CLRN1: variants seen among roughly 807,000 people sequenced by gnomAD.
CLRN1 encodes clarin-1.
A neutral mutation model predicts 18.7 loss-of-function variants in CLRN1; 15 were observed. The observed-to-expected ratio is 0.80, with a 90% CI of 0.54 to 1.23. The LOEUF is 1.23. CLRN1 is among the 50% of genes most tolerant of loss of function. The probability of loss-of-function intolerance (pLI) is 0.00; values close to 1 mark genes in which losing one functional copy is unlikely to be tolerated. For synonymous variants in CLRN1, 104 were observed against 102.9 expected, an observed-to-expected ratio of 1.01 and a Z score of -0.07; for missense variants, 311 against 277.5, an observed-to-expected ratio of 1.12 and a Z score of -0.86.
intron 2 of CLRN1, among the ~76,000 whole-genome samples, chr3:150,938,362 G>A (rs1713614253): frequency 6.6e-6 from 1 of 152,110 alleles, no homozygotes; most frequent in Admixed American, 6.5e-5. Context: ...TAGAATGTTT[G>A]GGATAAGGGC....
At chr3:150,969,977 C>G (rs1468690519) in intron 1 of CLRN1, among the ~76,000 whole-genome samples, 1 of 152,110 alleles carries the variant, frequency 6.6e-6, no homozygotes, top group Non-Finnish European at 1.5e-5. Flanking sequence ...TTTTCCATTC[C>G]TCTTACACTG....
chr3:150,951,530 G>T (rs1321945147), intron 1 of CLRN1, among the ~76,000 whole-genome samples: 4 of 152,110 alleles, frequency 2.6e-5, no homozygotes, highest in Non-Finnish European at 4.4e-5. Flanking sequence ...TAGAGATGGG[G>T]TTTCACCATG....
chr3:150,931,902 A>G (rs1052435045), intron 2 of CLRN1, among the ~76,000 whole-genome samples: 1 of 152,190 alleles, frequency 6.6e-6, no homozygotes, highest in African/African-American at 2.4e-5. Context: ...GACTGTGGAA[A>G]TCCTGCCAAA....
intron 2 of CLRN1, chr3:150,940,604 A>G: frequency 2.3e-6 from 3 of 1,287,514 alleles, no homozygotes; most frequent in Non-Finnish European, 3.2e-6. Flanking sequence ...GTATCCCTCC[A>G]TGAAACCATC....
At position 150,941,689 on chromosome 3, in the gene CLRN1, A is replaced by G. The variant is rs1037268706; in HGVS notation, c.326T>C (p.Ile109Thr). ...VNVILFSAIL[I>T]VLTMVGTAFF... ...GGCTGTCCCCACCATGGTTAACACA[A>G]TAAGGATGGCAGAGAAGAGAATGAC... The change falls in exon 2 of 3, where the codon ATT (isoleucine) becomes ACT (threonine). Residue 109 changes from isoleucine (I) to threonine (T), a missense_variant. Coordinates refer to ENST00000327047, the MANE Select transcript of CLRN1 (RefSeq NM_174878.3). The G allele has an allele frequency of 4.3e-6, 7 of 1,613,954 alleles. No individual in the cohort carries two copies. In the African/African-American group the frequency reaches 8.0e-5, roughly 18 times the overall value.
Position 150,941,688 on chromosome 3 carries a change from A to G in CLRN1, c.327T>C (p.Ile109=), listed in dbSNP as rs1458226293. The change falls in exon 2 of 3, where the codon ATT becomes ATC. Residue 109 remains isoleucine (I), a synonymous_variant. Transcript: ENST00000327047. ...VNVILFSAIL[I]VLTMVGTAFF... is the part of the protein sequence containing the mutation. ...AGGCTGTCCCCACCATGGTTAACACAATAAGGATGGCAGAGAAGAGAATGA... is the reference window on the plus strand; with the variant it reads ...AGGCTGTCCCCACCATGGTTAACACGATAAGGATGGCAGAGAAGAGAATGA... 6.2e-7 allele frequency: 1 copy of G among 1,614,088 alleles called. No homozygotes were observed. The highest frequency in any genetic ancestry group is 1.1e-5 in the South Asian group (1 of 91,074).
At chr3:150,932,932 C>A (rs1016170524) in intron 2 of CLRN1, among the ~76,000 whole-genome samples, 13 of 152,286 alleles carry the variant, frequency 8.5e-5, no homozygotes, top group African/African-American at 2.9e-4. Context: ...TGGGTCTAGC[C>A]TTTTCACTTT....
chr3:150,938,588 G>T (rs533305613), intron 2 of CLRN1, among the ~76,000 whole-genome samples: 1 of 151,980 alleles, frequency 6.6e-6, no homozygotes, highest in Non-Finnish European at 1.5e-5. Context: ...TTGTTGTAAC[G>T]GTTTTTTTTT....
intron 2 of CLRN1, among the ~76,000 whole-genome samples, chr3:150,938,411 G>T (rs1490836009): frequency 6.6e-6 from 1 of 152,080 alleles, no homozygotes; most frequent in Non-Finnish European, 1.5e-5. Context: ...TTAGAGCCAG[G>T]GTCTGCATGG....
chr3:150,961,324 T>C (rs1236572941), intron 1 of CLRN1, among the ~76,000 whole-genome samples: 1 of 152,174 alleles, frequency 6.6e-6, no homozygotes, highest in Non-Finnish European at 1.5e-5. Context: ...ATTCCAATGC[T>C]CAGGTCCCAC....
At chr3:150,937,026 C>A (rs970017299) in intron 2 of CLRN1, among the ~76,000 whole-genome samples, 4 of 152,164 alleles carry the variant, frequency 2.6e-5, no homozygotes, top group Admixed American at 6.5e-5. Context: ...TTGTTTATCA[C>A]CCTCATTGTA....
At chr3:150,934,309 G>A (rs1205805585) in intron 2 of CLRN1, among the ~76,000 whole-genome samples, 10 of 152,042 alleles carry the variant, frequency 6.6e-5, no homozygotes, top group African/African-American at 1.9e-4. Context: ...TACTAGGAGC[G>A]TCCTCTTTTT....
intron 1 of CLRN1, among the ~76,000 whole-genome samples, chr3:150,944,842 C>T (rs992295051): frequency 1.1e-4 from 16 of 152,094 alleles, no homozygotes; most frequent in African/African-American, 3.9e-4. Flanking sequence ...CTGAGATAGA[C>T]TAGTAGAAGA....
intron 1 of CLRN1, among the ~76,000 whole-genome samples, chr3:150,947,976 G>T (rs988090172): frequency 6.6e-6 from 1 of 152,066 alleles, no homozygotes; most frequent in Non-Finnish European, 1.5e-5. Flanking sequence ...ACTAACATCA[G>T]AACTGAAAGA....
chr3:150,936,376 C>A (rs1410965035), intron 2 of CLRN1, among the ~76,000 whole-genome samples: 1 of 152,148 alleles, frequency 6.6e-6, no homozygotes, highest in Admixed American at 6.5e-5. Flanking sequence ...GGCATCTCCA[C>A]TTGGTGGTCT....
intron 2 of CLRN1, among the ~76,000 whole-genome samples, chr3:150,937,205 ATCTGTAATCAC>A (rs1203533579): frequency 6.6e-6 from 1 of 152,140 alleles, no homozygotes; most frequent in Non-Finnish European, 1.5e-5. Flanking sequence ...AATTATTGCA[ATCTGTAATCAC>A]TTAATTATTG....
chr3:150,958,585 C>T (rs534474113), intron 1 of CLRN1, among the ~76,000 whole-genome samples: 1 of 152,350 alleles, frequency 6.6e-6, no homozygotes, highest in East Asian at 1.9e-4. Flanking sequence ...ACAATAAGTT[C>T]TTCATGCATT....
At chr3:150,935,798 C>T (rs375385971) in intron 2 of CLRN1, among the ~76,000 whole-genome samples, 1 of 140,134 alleles carries the variant, frequency 7.1e-6, no homozygotes, top group Non-Finnish European at 1.6e-5. Context: ...AGATCCTCTC[C>T]AGCACCTGTT....
chr3:150,928,078 G>A lies in CLRN1; in HGVS notation c.557C>T (p.Thr186Ile). The change falls in exon 3 of 3, where the codon ACC (threonine) becomes ATC (isoleucine). Residue 186 changes from threonine to isoleucine, a missense_variant. Coordinates refer to ENST00000327047, the MANE Select transcript of CLRN1 (RefSeq NM_174878.3). ...AAAGAAAATGACCCAGAATGAGGTG[G>A]TATATTTTTCACTTTGCGTTTTGTA... ...YVYKTQSEKY[T>I]TSFWVIFFCF... 6.2e-7 allele frequency: 1 copy of A among 1,613,814 alleles called. No individual in the cohort carries two copies. Among genetic ancestry groups the A allele is most frequent in the Non-Finnish European group, 8.5e-7 (1 of 1,179,952 alleles).
Sources: allele counts gnomAD v4.1 joint callset (sites outside exome capture counted in the v4.1 genomes callset), GRCh38; gene constraint gnomAD v4.1.1; transcripts MANE v1.5; gene names NCBI Gene and HGNC (gene_info 2026-07-23, HGNC 2026-07-21).